The following OLA1 variants were observed in gnomAD, a reference collection of about 807,000 sequenced individuals.
OLA1 encodes obg-like ATPase 1.
Under a neutral mutation model 48.4 loss-of-function variants are expected in OLA1, and 14 were observed. That is an observed-to-expected ratio of 0.29 (90% confidence interval 0.19 to 0.45). OLA1 has a LOEUF of 0.45. OLA1 is among the 20% of genes least tolerant of loss of function. OLA1 has a pLI of 1.00. For synonymous variants in OLA1, 127 were observed against 150.4 expected, an observed-to-expected ratio of 0.84 and a Z score of 1.14; for missense variants, 325 against 467.1, an observed-to-expected ratio of 0.70 and a Z score of 2.80.
rs1174747360 is a variant in OLA1 at position 174,091,869 on chromosome 2, C to CAAAAAAA, written c.729-9812_729-9806dup. Among the ~76,000 whole-genome samples, 125 of 22,982 alleles carry CAAAAAAA rather than the reference C, an allele frequency of 5.4e-3. 43 individuals are homozygous for CAAAAAAA. Among genetic ancestry groups the CAAAAAAA allele is most frequent in the Non-Finnish European group, 0.01 (105 of 10,402 alleles). The allele number at this position is 22,982 out of a possible 152,430, so 15.1% of individuals were successfully genotyped here. ...CCTGGGAGACAGCGAGACTCTGCCTCAAAAAAAAAAAAAAAAAAAAAAAAA... is the reference window on the plus strand; with the variant it reads ...CCTGGGAGACAGCGAGACTCTGCCTCAAAAAAAAAAAAAAAAAAAAAAAAAAAAAAAA... On this transcript the variant is annotated intron_variant, in intron 7 of 10. Transcript: ENST00000284719.
At chr2:174,173,715 T>G (rs768933595) in intron 4 of OLA1, among the ~76,000 whole-genome samples, 1 of 151,424 alleles carries the variant, frequency 6.6e-6, no homozygotes, top group Non-Finnish European at 1.5e-5. Flanking sequence ...GTGAAACCCA[T>G]AGTCCTTTAA....
intron 4 of OLA1, among the ~76,000 whole-genome samples, chr2:174,168,851 T>C (rs761864097): frequency 3.3e-5 from 5 of 151,288 alleles, no homozygotes; most frequent in Non-Finnish European, 5.9e-5. Context: ...GAAAAGAATA[T>C]GTCAAAGATA....
Position 174,246,706 on chromosome 2 carries a change from T to G in OLA1, c.101+9A>C, listed in dbSNP as rs370363744. On this transcript the variant is annotated intron_variant, in intron 2 of 10. Transcript: ENST00000284719. ...AATGAAAATCACAAAAGCCCCAACGTTCACCTACCCAACATTTGGCAATCC... is the reference window on the plus strand; with the variant it reads ...AATGAAAATCACAAAAGCCCCAACGGTCACCTACCCAACATTTGGCAATCC... The G allele has an allele frequency of 9.3e-5, 146 of 1,563,798 alleles. No homozygotes were observed. The highest frequency in any genetic ancestry group is 1.3e-4 in the Non-Finnish European group (143 of 1,137,076).
At chr2:174,243,536 C>G (rs1021972875) in intron 2 of OLA1, among the ~76,000 whole-genome samples, 4 of 152,182 alleles carry the variant, frequency 2.6e-5, no homozygotes, top group African/African-American at 7.2e-5. Flanking sequence ...GTTCCTAACA[C>G]CATCGTGTCC....
chr2:174,101,164 C>T (rs924473733), intron 7 of OLA1, among the ~76,000 whole-genome samples: 10 of 152,146 alleles, frequency 6.6e-5, no homozygotes, highest in African/African-American at 1.9e-4. Context: ...CCTTTTGTTC[C>T]CCTTCCTTAT....
chr2:174,086,744 G>T (rs952724342), intron 7 of OLA1, among the ~76,000 whole-genome samples: 3 of 152,154 alleles, frequency 2.0e-5, no homozygotes, highest in Non-Finnish European at 4.4e-5. Flanking sequence ...ATTCGGGGGT[G>T]GTGGTTCAGG....
chr2:174,123,134 G>T (rs751156048), intron 7 of OLA1, 46 bp downstream of exon 7: 2 of 854,782 alleles, frequency 2.3e-6, no homozygotes, highest in Admixed American at 1.9e-5. Flanking sequence ...GTTTGTGTGT[G>T]TACAGAGATG....
At chr2:174,090,011 A>G (rs1466463577) in intron 7 of OLA1, among the ~76,000 whole-genome samples, 6 of 152,182 alleles carry the variant, frequency 3.9e-5, no homozygotes, top group Non-Finnish European at 7.4e-5. Flanking sequence ...TTCAGAATAT[A>G]AGAAGTGATT....
chr2:174,242,458 G>A (rs754303800), intron 2 of OLA1, among the ~76,000 whole-genome samples: 1 of 152,088 alleles, frequency 6.6e-6, no homozygotes, highest in Non-Finnish European at 1.5e-5. Flanking sequence ...TTCTTCACAC[G>A]CCACAGATCG....
chr2:174,146,067 A>T (rs1686590555), intron 4 of OLA1, among the ~76,000 whole-genome samples: 1 of 152,230 alleles, frequency 6.6e-6, no homozygotes, highest in Non-Finnish European at 1.5e-5. Context: ...GGGTTCTTCT[A>T]AGTATAAAAG....
chr2:174,216,256 T>C (rs1165365844), intron 4 of OLA1, among the ~76,000 whole-genome samples: 2 of 152,072 alleles, frequency 1.3e-5, no homozygotes, highest in African/African-American at 4.8e-5. Flanking sequence ...TGAGCTATGA[T>C]TGTACCACTG....
At chr2:174,196,815 T>C (rs1007372842) in intron 4 of OLA1, among the ~76,000 whole-genome samples, 3 of 152,216 alleles carry the variant, frequency 2.0e-5, no homozygotes, top group African/African-American at 4.8e-5. Context: ...TCAGAATATC[T>C]GCTATAATCT....
chr2:174,220,939 T>C (rs146675719), intron 4 of OLA1, among the ~76,000 whole-genome samples: 304 of 152,300 alleles, frequency 2.0e-3, no homozygotes, highest in Middle Eastern at 0.01. Context: ...ACTGTTGAAA[T>C]TAAAGAATTA....
At chr2:174,142,590 C>G (rs945472514) in intron 4 of OLA1, among the ~76,000 whole-genome samples, 1 of 152,196 alleles carries the variant, frequency 6.6e-6, no homozygotes, top group African/African-American at 2.4e-5. Context: ...ACCATTCACA[C>G]TATCTGAACA....
chr2:174,201,321 T>C (rs1001124307), intron 4 of OLA1, among the ~76,000 whole-genome samples: 2 of 152,202 alleles, frequency 1.3e-5, no homozygotes, highest in Non-Finnish European at 2.9e-5. Flanking sequence ...TTTACTAACT[T>C]AAGCAAGTCA....
At chr2:174,243,866 G>T (rs1375221027) in intron 2 of OLA1, among the ~76,000 whole-genome samples, 3 of 152,128 alleles carry the variant, frequency 2.0e-5, no homozygotes, top group Non-Finnish European at 4.4e-5. Context: ...TTCTCTAGAT[G>T]GTTTTGTACT....
chr2:174,233,573 C>T (rs560687792), intron 2 of OLA1, among the ~76,000 whole-genome samples: 12 of 152,240 alleles, frequency 7.9e-5, no homozygotes, highest in African/African-American at 2.9e-4. Context: ...TGGGGTTTTG[C>T]CATGTTGGCC....
intron 4 of OLA1, among the ~76,000 whole-genome samples, chr2:174,182,705 A>T (rs1410366520): frequency 2.0e-5 from 3 of 152,126 alleles, no homozygotes; most frequent in Admixed American, 6.6e-5. Flanking sequence ...TCTCCCAAAT[A>T]AAAAAACCCA....
chr2:174,213,473 A>C (rs556454644), intron 4 of OLA1, among the ~76,000 whole-genome samples: 1 of 152,152 alleles, frequency 6.6e-6, no homozygotes, highest in Admixed American at 6.5e-5. Flanking sequence ...ATCTTTACTC[A>C]GTGATCTTTA....
Sources: allele counts gnomAD v4.1 joint callset (sites outside exome capture counted in the v4.1 genomes callset), GRCh38; gene constraint gnomAD v4.1.1; transcripts MANE v1.5; gene names NCBI Gene and HGNC (gene_info 2026-07-23, HGNC 2026-07-21).